CEP162: variants seen among roughly 807,000 people sequenced by gnomAD.
CEP162 encodes centrosomal protein 162.
A neutral mutation model predicts 169.2 loss-of-function variants in CEP162; 141 were observed. The ratio of observed to expected loss-of-function variants is 0.83; its 90% confidence interval spans 0.73 to 0.96. The LOEUF is 0.96. Among genes scored for constraint, CEP162 ranks in the 40% least tolerant of loss-of-function variants. CEP162 has a pLI of 0.00. For synonymous variants in CEP162, 540 were observed against 526.4 expected (o/e 1.03, Z -0.35); for missense variants, 1,600 against 1,587.2 (o/e 1.01, Z -0.14).
intron 24 of CEP162, 126 bp from the exon 25 acceptor site, chr6:84,146,911 G>T: frequency 2.3e-6 from 1 of 426,950 alleles, no homozygotes; most frequent in Non-Finnish European, 4.1e-6. Flanking sequence ...AGTAAGCACA[G>T]CTACTATGGA....
rs192610464 is a variant in CEP162, at chr6:84,150,935, C to A, written c.3630-1232G>T. Among the ~76,000 whole-genome samples, 11 of 152,246 alleles carry A rather than the reference C, an allele frequency of 7.2e-5. No homozygotes were observed. The East Asian group carries it at 2.1e-3, about 29-fold the overall frequency. Reference sequence around the variant, plus strand: ...GGGATGCAAAAGCAGCATAATCTTACACCAGTTCTCAAGGAACTACAAGGC... The same window carrying A: ...GGGATGCAAAAGCAGCATAATCTTAAACCAGTTCTCAAGGAACTACAAGGC... On this transcript the variant is annotated intron_variant, in intron 23 of 26. Transcript: ENST00000403245.
chr6:84,155,351 C>T lies in CEP162; in HGVS notation c.2941G>A (p.Glu981Lys), dbSNP rs142505439. 80 of 1,613,520 alleles carry T rather than the reference C, an allele frequency of 5.0e-5. No homozygotes were observed. The highest frequency in any genetic ancestry group is 6.1e-5 in the Non-Finnish European group (72 of 1,179,700). ...GTACGAAGGCTTTTCTTTGCATCTTCATCTTTGCCCTCCAGATCAGCTTCT... is the reference window on the plus strand; with the variant it reads ...GTACGAAGGCTTTTCTTTGCATCTTTATCTTTGCCCTCCAGATCAGCTTCT... ...KLEADLEGKD[E>K]DAKKSLRTME... Residue 981 changes from glutamate to lysine, a missense_variant, in exon 22 of 27, where the codon GAA becomes AAA. Transcript: ENST00000403245.
chr6:84,124,950 G>T lies in CEP162; in HGVS notation c.*120C>A. 2 of 744,374 alleles carry T rather than the reference G, an allele frequency of 2.7e-6. No individual in the cohort carries two copies. Among genetic ancestry groups the T allele is most frequent in the Non-Finnish European group, 2.2e-6 (1 of 451,888 alleles). The allele number at this position is 744,374 out of a possible 1,614,324, so 46.1% of individuals were successfully genotyped here. On this transcript the variant is annotated 3_prime_UTR_variant, in exon 27 of 27. Transcript: ENST00000403245. The stretch of plus-strand genomic sequence containing the variant: ...GCAATTTATTTTGAAATGTTGCTTT[G>T]GTTGTTTGCTTTCTGGAAACATATT...
intron 13 of CEP162, among the ~76,000 whole-genome samples, chr6:84,177,477 T>C (rs2099532875): frequency 6.6e-6 from 1 of 152,184 alleles, no homozygotes; most frequent in Non-Finnish European, 1.5e-5. Context: ...ATGTTTCCTC[T>C]CAACACTGTG....
chr6:84,163,764 G>T (rs997511950), intron 18 of CEP162, among the ~76,000 whole-genome samples: 9 of 151,840 alleles, frequency 5.9e-5, no homozygotes. Context: ...TCAGGAATTC[G>T]AGACCAGTAT....
intron 23 of CEP162, among the ~76,000 whole-genome samples, chr6:84,150,379 A>G (rs191261500): frequency 3.5e-4 from 54 of 152,282 alleles, no homozygotes; most frequent in Admixed American, 3.5e-3. Flanking sequence ...TGAAAATAAC[A>G]GCATTTAACT....
intron 24 of CEP162, among the ~76,000 whole-genome samples, chr6:84,147,562 C>T (rs779362225): frequency 6.6e-6 from 1 of 152,060 alleles, no homozygotes; most frequent in Non-Finnish European, 1.5e-5. Context: ...TTGATTATTA[C>T]ACATTCTTTG....
intron 6 of CEP162, among the ~76,000 whole-genome samples, chr6:84,208,053 T>C (rs2099548007): frequency 6.6e-6 from 1 of 150,604 alleles, no homozygotes; most frequent in African/African-American, 2.5e-5. Flanking sequence ...TACAGGTATC[T>C]CTACTGTAAG....
chr6:84,186,524 GT>G lies in CEP162; in HGVS notation c.1208del (p.Asn403ThrfsTer11), dbSNP rs1365722928. On this transcript the variant is annotated frameshift_variant, in exon 12 of 27. Transcript: ENST00000403245. LOFTEE classifies it high-confidence loss of function. The stretch of plus-strand genomic sequence containing the variant: ...TCTCATCATTTTTGTCAAAAAAAAG[GT>G]TCACATGTTGTGAGTCTTGAGACAA... Reference protein sequence around the residue: ...NILSQDSQHVNLFFDKNDENV... With the variant: ...NILSQDSQHVXLFFDKNDENV... The G allele has an allele frequency of 1.2e-6, 2 of 1,612,904 alleles. No homozygotes were observed. Among genetic ancestry groups the G allele is most frequent in the Admixed American group, 3.3e-5 (2 of 60,002 alleles).
Position 84,186,573 on chromosome 6 carries a change from G to T in CEP162, c.1160C>A (p.Pro387His). 3 of 1,609,318 alleles carry T rather than the reference G, an allele frequency of 1.9e-6. No homozygotes were observed. The highest frequency in any genetic ancestry group is 2.5e-6 in the Non-Finnish European group (3 of 1,177,936). ...RKETEFFSSL[P>H]LKMNPNILSQ... ...CAAAATATTTGGGTTCATCTTCAGG[G>T]GTAAAGAGCTAAAAAATTCAGTTTC... Residue 387 changes from proline (P) to histidine (H), a missense_variant, in exon 12 of 27, where the codon CCC (proline) becomes CAC (histidine). Physicochemically the swap from Pro to His is moderately conservative, Grantham distance 77. Coordinates refer to ENST00000403245, the MANE Select transcript of CEP162 (RefSeq NM_014895.4).
intron 14 of CEP162, 40 bp from the exon 15 acceptor site, chr6:84,174,994 G>A: frequency 7.6e-7 from 1 of 1,322,462 alleles, no homozygotes; most frequent in Non-Finnish European, 1.0e-6. Flanking sequence ...GTAGACTTAT[G>A]TATAAGATTT....
intron 22 of CEP162, 62 bp from the exon 23 acceptor site, chr6:84,153,241 C>T (rs2099521822): frequency 1.4e-6 from 2 of 1,453,658 alleles, no homozygotes; most frequent in Non-Finnish European, 1.9e-6. Flanking sequence ...TTGCTGAAGC[C>T]CTGCACACTA....
At chr6:84,198,489 A>G (rs2099543084) in intron 9 of CEP162, among the ~76,000 whole-genome samples, 7 of 152,150 alleles carry the variant, frequency 4.6e-5, no homozygotes. Context: ...CATGTTGGTC[A>G]GGCTGGTCTC....
At chr6:84,160,733 G>A (rs1321835164) in intron 21 of CEP162, 79 bp downstream of exon 21, 10 of 834,778 alleles carry the variant, frequency 1.2e-5, no homozygotes, top group Admixed American at 2.0e-5. Context: ...CCATCTCATG[G>A]GAACTCCTGA....
At chr6:84,131,332 G>A (rs1391866396) in intron 25 of CEP162, among the ~76,000 whole-genome samples, 1 of 152,130 alleles carries the variant, frequency 6.6e-6, no homozygotes, top group Non-Finnish European at 1.5e-5. Context: ...GTTGATTTGG[G>A]GTGGAGAGTT....
At chr6:84,195,161 TAGGAATATA>T (rs1369579951) in intron 9 of CEP162, 86 bp from the exon 10 acceptor site, 1 of 1,114,078 alleles carries the variant, frequency 9.0e-7, no homozygotes, top group African/African-American at 1.6e-5. Context: ...CTTAACCTGT[TAGGAATATA>T]AAAGTAGAGT....
chr6:84,130,283 A>G (rs1195366854), intron 25 of CEP162, among the ~76,000 whole-genome samples: 1 of 152,158 alleles, frequency 6.6e-6, no homozygotes, highest in Non-Finnish European at 1.5e-5. Context: ...GGATTTTTGC[A>G]TTGATGTTCA....
chr6:84,151,075 A>G (rs1437738935), intron 23 of CEP162, among the ~76,000 whole-genome samples: 3 of 152,142 alleles, frequency 2.0e-5, no homozygotes, highest in Non-Finnish European at 4.4e-5. Flanking sequence ...TAGTACTTAT[A>G]ACAAGAATGA....
At chr6:84,138,326 A>G (rs2099515031) in intron 25 of CEP162, among the ~76,000 whole-genome samples, 3 of 152,206 alleles carry the variant, frequency 2.0e-5, no homozygotes, top group Non-Finnish European at 2.9e-5. Flanking sequence ...GGTGAGCTCT[A>G]GAGTTGTCCA....
Sources: gnomAD v4.1 joint callset for allele counts (sites outside exome capture counted in the v4.1 genomes callset) on GRCh38, gnomAD v4.1.1 for gene constraint, MANE v1.5 for transcripts, NCBI Gene and HGNC (gene_info 2026-07-23, HGNC 2026-07-21) for gene names.